TCAF1: variants seen among roughly 807,000 people sequenced by gnomAD.
The protein encoded by TCAF1 is TRPM8 channel-associated factor 1.
TCAF1 carries 4 observed loss-of-function variants against 27.3 expected under a neutral mutation model. That is an observed-to-expected ratio of 0.15 (90% confidence interval 0.07 to 0.34). The LOEUF (loss-of-function observed/expected upper bound fraction) is 0.34, where lower values mean the gene tolerates loss of function less well. Ranked by LOEUF, TCAF1 falls within the 10% of genes least tolerant of loss-of-function variation. TCAF1 has a pLI of 1.00. For synonymous variants in TCAF1, 105 were observed against 167.1 expected (o/e 0.63, Z 2.87); for missense variants, 257 against 425.8 (o/e 0.60, Z 3.49).
intron 1 of TCAF1, among the ~76,000 whole-genome samples, chr7:143,891,261 A>C (rs1280190715): frequency 6.6e-6 from 1 of 152,232 alleles, no homozygotes; most frequent in Non-Finnish European, 1.5e-5. Flanking sequence ...AAAATTAGGA[A>C]AGCAGTTAAA....
intron 1 of TCAF1, chr7:143,885,329 G>A (rs139553995): frequency 4.8e-5 from 47 of 985,530 alleles, no homozygotes; most frequent in Middle Eastern, 5.2e-4. Context: ...AAGTGGCTAG[G>A]AGGAGGCGTG....
At chr7:143,896,610 C>T (rs1813880215) in intron 1 of TCAF1, among the ~76,000 whole-genome samples, 1 of 151,912 alleles carries the variant, frequency 6.6e-6, no homozygotes, top group Non-Finnish European at 1.5e-5. Flanking sequence ...TCTCTGACTA[C>T]AATATAAATT....
At chr7:143,891,529 G>A (rs1054630629) in intron 1 of TCAF1, among the ~76,000 whole-genome samples, 2 of 152,082 alleles carry the variant, frequency 1.3e-5, no homozygotes, top group African/African-American at 4.8e-5. Context: ...AAAGACCAGA[G>A]AATTGGTGAA....
intron 7 of TCAF1, among the ~76,000 whole-genome samples, 198 bp downstream of exon 7, chr7:143,858,626 G>A (rs1357138695): frequency 2.0e-5 from 3 of 152,198 alleles, no homozygotes; most frequent in Non-Finnish European, 4.4e-5. Flanking sequence ...AAATCCACTT[G>A]AGGGTCATGC....
rs903342036 is a variant in TCAF1 at position 143,899,889 on chromosome 7, A to G, written c.-15+2072T>C. On this transcript the variant is annotated intron_variant, in intron 1 of 8. Transcript: ENST00000479870. ...AGCACTGATCAACATATAAAAAGTCAATCTCATTAGTTATGGAAAATGCTA... is the reference window on the plus strand; with the variant it reads ...AGCACTGATCAACATATAAAAAGTCGATCTCATTAGTTATGGAAAATGCTA... Among the ~76,000 whole-genome samples the G allele has an allele frequency of 3.3e-5, 5 of 152,236 alleles. 1 individual carries two copies. Among genetic ancestry groups the G allele is most frequent in the Admixed American group, 2.0e-4 (3 of 15,288 alleles).
At chr7:143,889,890 T>G (rs374505817) in intron 1 of TCAF1, among the ~76,000 whole-genome samples, 1 of 152,326 alleles carries the variant, frequency 6.6e-6, no homozygotes, top group African/African-American at 2.4e-5. Context: ...AAGGGCAATT[T>G]TGAGTTTCAA....
intron 1 of TCAF1, among the ~76,000 whole-genome samples, chr7:143,897,131 AATATATATAT>A (rs5888117): frequency 0.077 from 6,177 of 80,168 alleles, 183 homozygotes; most frequent in East Asian, 0.1. Context: ...GTTAATCTTG[AATATATATAT>A]ATATATATAT....
At chr7:143,881,555 G>A (rs978320696) in intron 1 of TCAF1, among the ~76,000 whole-genome samples, 1 of 152,002 alleles carries the variant, frequency 6.6e-6, no homozygotes, top group African/African-American at 2.4e-5. Flanking sequence ...TCATACACCT[G>A]TAAGAATATG....
At chr7:143,877,776 G>C (rs1812795130) in intron 1 of TCAF1, among the ~76,000 whole-genome samples, 2 of 152,210 alleles carry the variant, frequency 1.3e-5, no homozygotes, top group Admixed American at 1.3e-4. Context: ...TTCAGTCCAT[G>C]AGGCTGAACC....
chr7:143,878,529 A>G (rs574814439), intron 1 of TCAF1, among the ~76,000 whole-genome samples: 11 of 152,308 alleles, frequency 7.2e-5, no homozygotes, highest in African/African-American at 2.6e-4. Context: ...GCCAGTCTCT[A>G]AACTAAAAAA....
chr7:143,885,919 A>C (rs1813379837), intron 1 of TCAF1, among the ~76,000 whole-genome samples: 1 of 152,238 alleles, frequency 6.6e-6, no homozygotes, highest in Admixed American at 6.5e-5. Flanking sequence ...TGTAATAAAA[A>C]TAAATTTAAT....
intron 1 of TCAF1, among the ~76,000 whole-genome samples, chr7:143,877,752 G>A (rs115149382): frequency 2.4e-3 from 359 of 152,336 alleles, no homozygotes; most frequent in African/African-American, 8.3e-3. Context: ...CAGCAGCACA[G>A]GACATCACTG....
chr7:143,862,100 ACT>A (rs1812055210), intron 4 of TCAF1, among the ~76,000 whole-genome samples: 1 of 139,630 alleles, frequency 7.2e-6, no homozygotes, highest in Non-Finnish European at 1.6e-5. Flanking sequence ...CTGAATGCCT[ACT>A]CTGTGCTAGG....
chr7:143,881,052 G>C (rs1362136802), intron 1 of TCAF1, among the ~76,000 whole-genome samples: 1 of 152,194 alleles, frequency 6.6e-6, no homozygotes, highest in Non-Finnish European at 1.5e-5. Context: ...CTCAGGGAGA[G>C]AGCAGAGCTT....
intron 1 of TCAF1, among the ~76,000 whole-genome samples, chr7:143,895,048 T>C (rs1379195383): frequency 4.6e-5 from 7 of 151,768 alleles, no homozygotes; most frequent in Non-Finnish European, 5.9e-5. Flanking sequence ...CCATTTCACG[T>C]GGCTAAAATT....
chr7:143,892,874 G>GGCCA (rs2116856545), intron 1 of TCAF1, among the ~76,000 whole-genome samples: 1 of 152,238 alleles, frequency 6.6e-6, no homozygotes, highest in South Asian at 2.1e-4. Context: ...TAAGCTAGGA[G>GGCCA]GCCAGCCCTC....
At chr7:143,900,499 G>T (rs1419701542) in intron 1 of TCAF1, among the ~76,000 whole-genome samples, 1 of 152,134 alleles carries the variant, frequency 6.6e-6, no homozygotes, top group Non-Finnish European at 1.5e-5. Flanking sequence ...AGTCATGTGA[G>T]TAAGCCTGGG....
intron 1 of TCAF1, chr7:143,882,496 G>A: frequency 2.0e-6 from 2 of 985,336 alleles, no homozygotes; most frequent in African/African-American, 1.7e-5. Flanking sequence ...GGAGCAATGC[G>A]GCAGGGGGAT....
Position 143,876,139 on chromosome 7 carries a change from C to G in TCAF1, c.470G>C (p.Trp157Ser), listed in dbSNP as rs778944649. Residue 157 changes from tryptophan to serine, a missense_variant, in exon 2 of 9, where the codon TGG (tryptophan) becomes TCG (serine). Trp to Ser is a radical substitution (Grantham distance 177). Around this residue, in one of 2 missense-constraint regions of TCAF1, gnomAD observed 255 missense variants for 260.1 expected, o/e 0.98. Transcript: ENST00000479870. ...CCTTTCATCCTCCCCCTGGTTGGCC[C>G]AATCCCAGGCTTGTCCTCCTATGAG... ...GLLIGGQAWD[W>S]ANQGEDERVL... is the part of the protein sequence containing the mutation. 5 of 1,614,198 alleles carry G rather than the reference C, an allele frequency of 3.1e-6. No individual in the cohort carries two copies. The highest frequency in any genetic ancestry group is 4.2e-6 in the Non-Finnish European group (5 of 1,180,026).
Sources: allele counts gnomAD v4.1 joint callset (sites outside exome capture counted in the v4.1 genomes callset), GRCh38; gene constraint gnomAD v4.1.1; regional missense constraint gnomAD v4.1.1; transcripts MANE v1.5; gene names NCBI Gene and HGNC (gene_info 2026-07-23, HGNC 2026-07-21).